B4GALT4: variants seen among roughly 807,000 people sequenced by gnomAD.
B4GALT4 encodes the protein beta-1,4-galactosyltransferase 4.
B4GALT4 carries 27 observed loss-of-function variants against 37.3 expected under a neutral mutation model. That is an observed-to-expected ratio of 0.72 (90% CI 0.53 to 1.00). The LOEUF (loss-of-function observed/expected upper bound fraction) is 1.00, where lower values mean the gene tolerates loss of function less well. Ranked by LOEUF, B4GALT4 falls within the 50% of genes least tolerant of loss-of-function variation. B4GALT4 has a pLI of 0.00. For synonymous variants in B4GALT4, 148 were observed against 154.1 expected, an observed-to-expected ratio of 0.96 and a Z score of 0.29; for missense variants, 372 against 413.1, an observed-to-expected ratio of 0.90 and a Z score of 0.86.
chr3:119,236,378 G>A (rs1576944084), intron 2 of B4GALT4: 1 of 151,960 alleles, frequency 6.6e-6, no homozygotes, highest in Non-Finnish European at 1.5e-5. Context: ...TTAGTTAATA[G>A]TATTGATCAA....
chr3:119,226,594 T>C, intron 4 of B4GALT4: 1 of 560,496 alleles, frequency 1.8e-6, no homozygotes, highest in Non-Finnish European at 3.2e-6. Context: ...GAGGTTCCTT[T>C]AAGGGCAGTA....
chr3:119,216,349 A>T lies in B4GALT4; in HGVS notation c.798-5T>A, dbSNP rs555215844. 7 of 1,607,970 alleles carry T rather than the reference A, an allele frequency of 4.4e-6. No individual in the cohort carries two copies. The African/African-American group carries it at 9.4e-5, about 22-fold the overall frequency. On this transcript the variant is annotated splice_polypyrimidine_tract_variant and splice_region_variant and intron_variant, in intron 6 of 7. Transcript: ENST00000393765. ...TTCATTCTTTGGAGCTCAACCCTAG[A>T]AAAATAATAGAGATTTTTTTAAAGT... is the stretch of plus-strand genomic sequence containing the variant.
chr3:119,224,245 C>T lies in B4GALT4; in HGVS notation c.487G>A (p.Ala163Thr). ...GCTCGATTAAACTTTTTACCTTCAG[C>T]CTAGAGATATGAAAATTAAAACTTG... Reference protein sequence around the residue: ...LDYGIYVIHQAEGKKFNRAKL... With the variant: ...LDYGIYVIHQTEGKKFNRAKL... Residue 163 changes from alanine to threonine, a missense_variant and splice_region_variant, in exon 5 of 8, where the codon GCT (alanine) becomes ACT (threonine). Coordinates refer to ENST00000393765, the MANE Select transcript of B4GALT4 (RefSeq NM_003778.4). 1 of 1,579,958 alleles carries T rather than the reference C, an allele frequency of 6.3e-7. No individual in the cohort carries two copies. Among genetic ancestry groups the T allele is most frequent in the Non-Finnish European group, 8.6e-7 (1 of 1,167,154 alleles).
At chr3:119,235,611 T>C (rs1486348210) in intron 2 of B4GALT4, among the ~76,000 whole-genome samples, 1 of 152,194 alleles carries the variant, frequency 6.6e-6, no homozygotes, top group Non-Finnish European at 1.5e-5. Context: ...ATTGCCCCAC[T>C]TTCCTTAGGC....
chr3:119,239,741 A>C (rs1362465790), intron 1 of B4GALT4, among the ~76,000 whole-genome samples: 2 of 152,160 alleles, frequency 1.3e-5, no homozygotes, highest in Non-Finnish European at 2.9e-5. Flanking sequence ...AGTTATTGCA[A>C]TTTCATGGGG....
At chr3:119,217,837 T>A (rs2078334674) in intron 6 of B4GALT4, among the ~76,000 whole-genome samples, 1 of 100,130 alleles carries the variant, frequency 1.0e-5, no homozygotes, top group African/African-American at 3.6e-5. Context: ...AGCGAGACTT[T>A]GTCTCAAAAA....
In B4GALT4 at chr3:119,216,260, G is replaced by A; in HGVS notation, c.882C>T (p.Gly294=). 1 of 1,613,476 alleles carries A rather than the reference G, an allele frequency of 6.2e-7. No homozygotes were observed. The highest frequency in any genetic ancestry group is 8.5e-7 in the Non-Finnish European group (1 of 1,179,684). ...YTMVFHTRDK[G]NEVNAERMKL... ...CTTACCGTTCTGCGTTCACCTCATT[G>A]CCTTTGTCTCTAGTGTGGAAGACCA... Residue 294 remains glycine, a synonymous_variant, in exon 7 of 8, where the codon GGC becomes GGT. Transcript: ENST00000393765.
intron 1 of B4GALT4, among the ~76,000 whole-genome samples, chr3:119,238,757 A>G (rs1482438067): frequency 1.3e-5 from 2 of 152,240 alleles, no homozygotes; most frequent in Non-Finnish European, 2.9e-5. Context: ...GTCTTGCAAC[A>G]TATCCCCCAA....
chr3:119,224,039 C>T lies in B4GALT4; in HGVS notation c.674+19G>A. On this transcript the variant is annotated intron_variant, in intron 5 of 7. Transcript: ENST00000393765. ...GTTGAGCTTCTCGACCTAAGCCACC[C>T]TCAGCAGAACCACCTTACCTGTACC... The T allele has an allele frequency of 6.3e-7, 1 of 1,594,234 alleles. No homozygotes were observed. The highest frequency in any genetic ancestry group is 8.5e-7 in the Non-Finnish European group (1 of 1,171,074).
chr3:119,238,906 T>C (rs2079065426), intron 1 of B4GALT4, among the ~76,000 whole-genome samples: 1 of 152,154 alleles, frequency 6.6e-6, no homozygotes, highest in Non-Finnish European at 1.5e-5. Flanking sequence ...AAAGCCCCAA[T>C]CTCAAAGAAA....
chr3:119,230,111 C>T lies in B4GALT4; in HGVS notation c.-12G>A, dbSNP rs750873559. 5.0e-6 allele frequency: 8 copies of T among 1,613,768 alleles called. No individual in the cohort carries two copies. Among genetic ancestry groups the T allele is most frequent in the East Asian group, 2.2e-5 (1 of 44,880 alleles). On this transcript the variant is annotated 5_prime_UTR_variant, in exon 3 of 8. Transcript: ENST00000393765. Reference sequence around the variant, plus strand: ...AGGTTGAAGCCCATGTTTTTTATTACGTGAATAATATCTATCTCTCTGCTT... The same window carrying T: ...AGGTTGAAGCCCATGTTTTTTATTATGTGAATAATATCTATCTCTCTGCTT...
intron 4 of B4GALT4, among the ~76,000 whole-genome samples, chr3:119,225,782 A>C (rs988943910): frequency 6.6e-6 from 1 of 152,242 alleles, no homozygotes; most frequent in Non-Finnish European, 1.5e-5. Context: ...CCTGAGCAAG[A>C]ACTCAGAATC....
intron 2 of B4GALT4, among the ~76,000 whole-genome samples, chr3:119,234,179 G>A (rs1264731532): frequency 1.3e-5 from 2 of 152,094 alleles, no homozygotes; most frequent in South Asian, 4.2e-4. Flanking sequence ...GTGCAGTGGT[G>A]TGATCTCAGC....
intron 1 of B4GALT4, among the ~76,000 whole-genome samples, chr3:119,239,843 A>AAG (rs747571501): frequency 6.6e-6 from 1 of 152,052 alleles, no homozygotes; most frequent in Non-Finnish European, 1.5e-5. Context: ...CTCCTCTCCC[A>AAG]AGAGAGACCT....
At chr3:119,217,845 A>C (rs1169496561) in intron 6 of B4GALT4, among the ~76,000 whole-genome samples, 1 of 28,354 alleles carries the variant, frequency 3.5e-5, no homozygotes, top group Non-Finnish European at 1.1e-4. Context: ...TTTGTCTCAA[A>C]AAAAAAAAAA....
At chr3:119,217,495 C>T (rs6438506) in intron 6 of B4GALT4, among the ~76,000 whole-genome samples, 1 of 151,906 alleles carries the variant, frequency 6.6e-6, no homozygotes, top group South Asian at 2.1e-4. Context: ...GATGAGGCAA[C>T]AAAAAAATTT....
At chr3:119,223,460 G>GA (rs1213715675) in intron 5 of B4GALT4, among the ~76,000 whole-genome samples, 5 of 152,204 alleles carry the variant, frequency 3.3e-5, no homozygotes, top group Non-Finnish European at 5.9e-5. Flanking sequence ...AAATAAGGCT[G>GA]AAAAGCAGCT....
At chr3:119,216,031 G>A (rs1031204866) in intron 7 of B4GALT4, 21 of 327,516 alleles carry the variant, frequency 6.4e-5, no homozygotes, top group African/African-American at 3.6e-4. Flanking sequence ...GAAAAAAACT[G>A]AGGGAAAGAA....
At position 119,212,383 on chromosome 3, in the gene B4GALT4, T is replaced by C. The variant is rs540969237; in HGVS notation, c.*166A>G. 2.4e-4 allele frequency: 164 copies of C among 669,524 alleles called. 2 individuals are homozygous for C. Among genetic ancestry groups the C allele is most frequent in the South Asian group, 2.4e-3 (122 of 51,850 alleles). 41.5% of individuals were successfully genotyped at this position (669,524 alleles called of 1,614,324 possible). A position where few individuals can be genotyped will look rare whatever the true frequency, so the allele number is the denominator to read the frequency against. ...AAGCTGTCTTGTTACAACTGTTTTATACTCTACATCACCAGGAGCTCTGCT... is the reference window on the plus strand; with the variant it reads ...AAGCTGTCTTGTTACAACTGTTTTACACTCTACATCACCAGGAGCTCTGCT... On this transcript the variant is annotated 3_prime_UTR_variant, in exon 8 of 8. Transcript: ENST00000393765.
Sources: gnomAD v4.1 joint callset for allele counts (sites outside exome capture counted in the v4.1 genomes callset) on GRCh38, gnomAD v4.1.1 for gene constraint, MANE v1.5 for transcripts, NCBI Gene and HGNC (gene_info 2026-07-23, HGNC 2026-07-21) for gene names.